Variants in RASA3 observed in about 807,000 individuals in gnomAD.
RASA3 encodes ras GTPase-activating protein 3.
A neutral mutation model predicts 110.0 loss-of-function variants in RASA3; 73 were observed. The observed-to-expected ratio is 0.66, with a 90% CI of 0.55 to 0.81. The LOEUF (loss-of-function observed/expected upper bound fraction) is 0.81. Among genes scored for constraint, RASA3 ranks in the 30% least tolerant of loss-of-function variants. The pLI, the probability that RASA3 is intolerant of heterozygous loss-of-function variation, is 0.00. For missense variants in RASA3, 976 were observed against 1,113.2 expected (o/e 0.88, Z 1.75); for synonymous variants, 500 against 451.4 (o/e 1.11, Z -1.37).
At chr13:114,038,074 C>T (rs1053007345) in intron 4 of RASA3, among the ~76,000 whole-genome samples, 1 of 141,802 alleles carries the variant, frequency 7.1e-6, no homozygotes, top group African/African-American at 2.6e-5. Context: ...AAAATTAAAT[C>T]AGTAAAAAAA....
In RASA3 at chr13:114,029,960, G is replaced by A; in HGVS notation, c.373-73C>T. ...CAGGCCACTAGGGCCGCGCGCCCAG[G>A]GAAAGCCTAGAGGGCAAAGGGAGCA... On this transcript the variant is annotated intron_variant, in intron 4 of 23. Coordinates refer to ENST00000334062, the MANE Select transcript of RASA3 (RefSeq NM_007368.4). 7 of 1,414,816 alleles carry A rather than the reference G, an allele frequency of 4.9e-6. No homozygotes were observed. The South Asian group carries it at 7.4e-5, about 15-fold the overall frequency. 87.6% of individuals were successfully genotyped at this position (1,414,816 alleles called of 1,614,324 possible). A position where few individuals can be genotyped will look rare whatever the true frequency, so the allele number is the denominator to read the frequency against.
At chr13:114,111,537 G>T (rs71449086) in intron 1 of RASA3, among the ~76,000 whole-genome samples, 832 of 129,874 alleles carry the variant, frequency 6.4e-3, no homozygotes, top group East Asian at 0.029. Flanking sequence ...CGAGCTGCAG[G>T]CCGAGTTCTA....
At chr13:114,072,213 A>G (rs1242177008) in intron 2 of RASA3, among the ~76,000 whole-genome samples, 1 of 152,112 alleles carries the variant, frequency 6.6e-6, no homozygotes, top group Non-Finnish European at 1.5e-5. Flanking sequence ...GTCCCTGTGC[A>G]TCCCACCCCG....
At chr13:114,105,944 G>C (rs1319747084) in intron 1 of RASA3, among the ~76,000 whole-genome samples, 1 of 152,180 alleles carries the variant, frequency 6.6e-6, no homozygotes, top group Non-Finnish European at 1.5e-5. Flanking sequence ...CTGACACACA[G>C]AGCGTCTTGC....
Position 114,001,293 on chromosome 13 carries a change from C to T in RASA3, c.1743-361G>A, listed in dbSNP as rs149205120. 3.9e-3 allele frequency among the ~76,000 whole-genome samples: 599 copies of T among 152,170 alleles called. 7 individuals carry two copies. The highest frequency in any genetic ancestry group is 0.014 in the African/African-American group (567 of 41,548). On this transcript the variant is annotated intron_variant, in intron 18 of 23. Transcript: ENST00000334062. ...TCAGGGTCAGGGAGGGCAGCGGACG[C>T]CCACACAACACGGAGGACCTGCGGC...
chr13:114,106,134 T>C (rs2080133007), intron 1 of RASA3, among the ~76,000 whole-genome samples: 1 of 151,936 alleles, frequency 6.6e-6, no homozygotes. Flanking sequence ...ACACGGCCTC[T>C]GCTGTCTTTT....
Position 114,018,127 on chromosome 13 carries a change from G to A in RASA3, c.1068C>T (p.Ala356=). 1 of 1,549,188 alleles carries A rather than the reference G, an allele frequency of 6.5e-7. No individual in the cohort carries two copies. Among genetic ancestry groups the A allele is most frequent in the East Asian group, 2.4e-5 (1 of 40,862 alleles). Reference sequence around the variant, plus strand: ...ACTGGGTCCGCTTCACCTCCGCGCTGGCGATGGCACTGATGAATGGCACCA... The same window carrying A: ...ACTGGGTCCGCTTCACCTCCGCGCTAGCGATGGCACTGATGAATGGCACCA... ...GRVVPFISAI[A]SAEVKRTQDP... is the part of the protein sequence containing the mutation. The change falls in exon 11 of 24, where the codon GCC becomes GCT. Residue 356 remains alanine (A), a synonymous_variant. Coordinates refer to ENST00000334062, the MANE Select transcript of RASA3 (RefSeq NM_007368.4).
chr13:114,018,324 TG>T (rs2053839850), intron 10 of RASA3, 72 bp from the exon 11 acceptor site: 2 of 1,480,422 alleles, frequency 1.4e-6, no homozygotes, highest in African/African-American at 2.8e-5. Context: ...CCACCTTGGC[TG>T]GGGTCTCACT....
chr13:114,005,217 A>C (rs887404049), intron 18 of RASA3, among the ~76,000 whole-genome samples: 23 of 152,200 alleles, frequency 1.5e-4, no homozygotes, highest in African/African-American at 5.1e-4. Context: ...CCCATCCAAT[A>C]CAACTGCACT....
At position 114,043,755 on chromosome 13, in the gene RASA3, C is replaced by A. The variant is rs554224028; in HGVS notation, c.278-2661G>T. ...AATCCAGTGACACACCACGTGGACT[C>A]CCTCCAATGGCCTCTAATGGCGCAG... On this transcript the variant is annotated intron_variant, in intron 3 of 23. Transcript: ENST00000334062. 2.0e-5 allele frequency among the ~76,000 whole-genome samples: 3 copies of A among 151,906 alleles called. No homozygotes were observed. The South Asian group carries it at 6.2e-4, about 31-fold the overall frequency.
At chr13:113,996,845 G>A in intron 20 of RASA3, 106 bp from the exon 21 acceptor site, 1 of 1,005,784 alleles carries the variant, frequency 9.9e-7, no homozygotes, top group Non-Finnish European at 1.5e-6. Flanking sequence ...CGTAAGAGGG[G>A]ACGCTGAGGG....
At chr13:114,097,988 G>A (rs1039680994) in intron 1 of RASA3, among the ~76,000 whole-genome samples, 2 of 152,174 alleles carry the variant, frequency 1.3e-5, no homozygotes, top group Non-Finnish European at 2.9e-5. Context: ...GGAACAAAGC[G>A]GGCCCAGATG....
intron 4 of RASA3, chr13:114,035,931 GC>G (rs2054270553): frequency 2.0e-5 from 3 of 152,256 alleles, no homozygotes; most frequent in Non-Finnish European, 4.4e-5. Flanking sequence ...GGAATTTCCA[GC>G]CCAGTGAGAT....
Position 114,132,421 on chromosome 13 carries a change from C to A in RASA3, c.55+14G>T. The A allele has an allele frequency of 6.6e-7, 1 of 1,516,118 alleles. No individual in the cohort carries two copies. The highest frequency in any genetic ancestry group is 8.8e-7 in the Non-Finnish European group (1 of 1,138,814). 93.9% of individuals were successfully genotyped at this position (1,516,118 alleles called of 1,614,324 possible). ...GCCGGGGGGTCGGACGCGTGGCTGC[C>A]GGCGGACACTCACCGATCTTGATCT... On this transcript the variant is annotated intron_variant, in intron 1 of 23. Transcript: ENST00000334062.
intron 1 of RASA3, among the ~76,000 whole-genome samples, chr13:114,117,718 G>GA (rs2080309242): frequency 1.4e-5 from 2 of 140,542 alleles, no homozygotes; most frequent in African/African-American, 2.7e-5. Context: ...CGTGTGTGAG[G>GA]GATGCATGTG....
intron 1 of RASA3, among the ~76,000 whole-genome samples, chr13:114,090,851 C>G (rs2079882360): frequency 6.6e-6 from 1 of 152,126 alleles, no homozygotes; most frequent in South Asian, 2.1e-4. Flanking sequence ...ATCTACAACT[C>G]CAGTTCAAAG....
chr13:114,025,047 C>T (rs2054002228), intron 7 of RASA3, among the ~76,000 whole-genome samples: 1 of 152,280 alleles, frequency 6.6e-6, no homozygotes, highest in Non-Finnish European at 1.5e-5. Flanking sequence ...ACCTGGAGTT[C>T]CGATTTAACC....
intron 1 of RASA3, among the ~76,000 whole-genome samples, chr13:114,097,174 T>G (rs1371842630): frequency 2.6e-5 from 4 of 152,204 alleles, no homozygotes; most frequent in Non-Finnish European, 4.4e-5. Context: ...CAAATGAGCA[T>G]CTTTAGAGCT....
intron 2 of RASA3, among the ~76,000 whole-genome samples, chr13:114,060,230 C>T (rs1473090064): frequency 2.0e-5 from 3 of 152,140 alleles, no homozygotes; most frequent in East Asian, 1.9e-4. Context: ...TGCTGGGAGC[C>T]GAGGTCAGAG....
Sources: gnomAD v4.1 joint callset for allele counts (sites outside exome capture counted in the v4.1 genomes callset) on GRCh38, gnomAD v4.1.1 for gene constraint, MANE v1.5 for transcripts, NCBI Gene and HGNC (gene_info 2026-07-23, HGNC 2026-07-21) for gene names.